SLC1A1: variants seen among roughly 807,000 people sequenced by gnomAD.
SLC1A1 encodes the protein excitatory amino acid transporter 3.
SLC1A1 carries 43 observed loss-of-function variants against 53.3 expected under a neutral mutation model. The ratio of observed to expected loss-of-function variants is 0.81; its 90% CI spans 0.63 to 1.04. The LOEUF (loss-of-function observed/expected upper bound fraction) is 1.04, where lower values mean the gene tolerates loss of function less well. SLC1A1 is among the 50% of genes least tolerant of loss of function. The probability of loss-of-function intolerance (pLI) is 0.00; values close to 1 mark genes in which losing one functional copy is unlikely to be tolerated. For missense variants in SLC1A1, 748 were observed against 664.9 expected (o/e 1.12, Z -1.37); for synonymous variants, 307 against 243.2 (o/e 1.26, Z -2.44).
At chr9:4,538,438 G>A (rs184471364) in intron 1 of SLC1A1, among the ~76,000 whole-genome samples, 16 of 152,338 alleles carry the variant, frequency 1.1e-4, no homozygotes, top group South Asian at 4.1e-4. Context: ...AATAGAATGG[G>A]AGGAAGATTT....
chr9:4,544,125 G>A (rs1457972944), intron 1 of SLC1A1, among the ~76,000 whole-genome samples: 2 of 152,128 alleles, frequency 1.3e-5, no homozygotes, highest in Non-Finnish European at 2.9e-5. Flanking sequence ...GCAGTGAGCC[G>A]AGATGGTACC....
chr9:4,584,141 T>G (rs1821373200), intron 11 of SLC1A1, among the ~76,000 whole-genome samples: 1 of 152,192 alleles, frequency 6.6e-6, no homozygotes, highest in Non-Finnish European at 1.5e-5. Flanking sequence ...TGCTATGTAC[T>G]GTAGTTTGCA....
intron 6 of SLC1A1, among the ~76,000 whole-genome samples, chr9:4,569,052 G>A (rs1438073901): frequency 6.6e-6 from 1 of 152,118 alleles, no homozygotes; most frequent in African/African-American, 2.4e-5. Flanking sequence ...ATAACTACCA[G>A]GAATAGAGAG....
In SLC1A1 at chr9:4,580,599, ATATG is replaced by A. The variant is rs1340428036; in HGVS notation, c.1194-2437_1194-2434del. Among the ~76,000 whole-genome samples, 62 of 51,072 alleles carry A rather than the reference ATATG, an allele frequency of 1.2e-3. 1 individual carries two copies. Among genetic ancestry groups the A allele is most frequent in the East Asian group, 9.5e-3 (8 of 846 alleles). 33.5% of individuals were successfully genotyped at this position (51,072 alleles called of 152,430 possible). A position where few individuals can be genotyped will look rare whatever the true frequency, so the allele number is the denominator to read the frequency against. On this transcript the variant is annotated intron_variant, in intron 10 of 11. Transcript: ENST00000262352. ...TTGTCTCTGGAAAAAAAAAAAATATATATGTGTGTGTGTGTGTGTGTGTGTGTGT... is the reference window on the plus strand; with the variant it reads ...TTGTCTCTGGAAAAAAAAAAAATATATGTGTGTGTGTGTGTGTGTGTGTGT...
intron 10 of SLC1A1, among the ~76,000 whole-genome samples, chr9:4,579,444 T>A (rs2129841083): frequency 6.6e-6 from 1 of 152,326 alleles, no homozygotes; most frequent in East Asian, 1.9e-4. Context: ...TGTGATGAAA[T>A]CCCTCCCTCT....
intron 1 of SLC1A1, among the ~76,000 whole-genome samples, chr9:4,497,740 T>C (rs1820484945): frequency 6.6e-6 from 1 of 152,186 alleles, no homozygotes; most frequent in Admixed American, 6.5e-5. Context: ...GTCCCTCTTA[T>C]TACATTTCAC....
At chr9:4,566,994 C>G (rs1209817871) in intron 5 of SLC1A1, among the ~76,000 whole-genome samples, 4 of 152,168 alleles carry the variant, frequency 2.6e-5, no homozygotes, top group Non-Finnish European at 1.5e-5. Flanking sequence ...TACAGGGGGC[C>G]TTTGCAGATC....
At chr9:4,575,927 A>T in intron 8 of SLC1A1, 74 bp from the exon 9 acceptor site, 1 of 1,533,780 alleles carries the variant, frequency 6.5e-7, no homozygotes, top group South Asian at 1.1e-5. Flanking sequence ...AATTAAAAAG[A>T]TGTTTGATAA....
intron 1 of SLC1A1, among the ~76,000 whole-genome samples, chr9:4,544,013 GA>G (rs1265118434): frequency 6.6e-6 from 1 of 151,864 alleles, no homozygotes; most frequent in Non-Finnish European, 1.5e-5. Context: ...ACCCTCTCAA[GA>G]AAAAAATACA....
At chr9:4,502,365 T>A (rs1261401017) in intron 1 of SLC1A1, among the ~76,000 whole-genome samples, 2 of 107,926 alleles carry the variant, frequency 1.9e-5, no homozygotes, top group Non-Finnish European at 3.4e-5. Flanking sequence ...CCTGCCCGGG[T>A]GATAGAATGA....
chr9:4,491,904 T>C (rs374415034), intron 1 of SLC1A1, among the ~76,000 whole-genome samples: 18 of 152,340 alleles, frequency 1.2e-4, no homozygotes, highest in African/African-American at 4.1e-4. Context: ...TGTTGCTTGC[T>C]TCTCCTCCGA....
intron 1 of SLC1A1, among the ~76,000 whole-genome samples, chr9:4,541,956 ATCT>A (rs1212452344): frequency 6.6e-6 from 1 of 152,108 alleles, no homozygotes; most frequent in Non-Finnish European, 1.5e-5. Flanking sequence ...GACCTGGAAA[ATCT>A]TCTGGTGATT....
At chr9:4,533,796 C>T (rs1261643999) in intron 1 of SLC1A1, among the ~76,000 whole-genome samples, 2 of 152,098 alleles carry the variant, frequency 1.3e-5, no homozygotes, top group African/African-American at 4.8e-5. Flanking sequence ...CAAAATTGAC[C>T]ACTTAGTTGG....
chr9:4,513,420 G>A (rs1451645730), intron 1 of SLC1A1, among the ~76,000 whole-genome samples: 2 of 152,186 alleles, frequency 1.3e-5, no homozygotes, highest in Admixed American at 1.3e-4. Flanking sequence ...TCACCGAAGA[G>A]GGTATACTGA....
In SLC1A1 at chr9:4,574,078, G is replaced by C. The variant is rs1820323953; in HGVS notation, c.875+64G>C. 8 of 1,141,698 alleles carry C rather than the reference G, an allele frequency of 7.0e-6. No individual in the cohort carries two copies. In the South Asian group the frequency reaches 9.8e-5, roughly 14 times the overall value. The allele number at this position is 1,141,698 out of a possible 1,614,324, so 70.7% of individuals were successfully genotyped here. A position where few individuals can be genotyped will look rare whatever the true frequency, so the allele number is the denominator to read the frequency against. On this transcript the variant is annotated intron_variant, in intron 8 of 11. Transcript: ENST00000262352. ...GATCTAATAGGATGGCCGCTGAGAG[G>C]TTGGGTTTCAGTTGGTTAAAACTGG... is the stretch of plus-strand genomic sequence containing the variant.
chr9:4,517,006 C>A (rs926531779), intron 1 of SLC1A1, among the ~76,000 whole-genome samples: 4 of 152,216 alleles, frequency 2.6e-5, no homozygotes, highest in Non-Finnish European at 4.4e-5. Context: ...GATATCGAAG[C>A]TGGCCATGTG....
At position 4,557,558 on chromosome 9, in the gene SLC1A1, G is replaced by A. The variant is rs1279170438; in HGVS notation, c.233-3891G>A. Among the ~76,000 whole-genome samples the A allele has an allele frequency of 2.6e-5, 4 of 151,886 alleles. No homozygotes were observed. The East Asian group carries it at 7.8e-4, about 29-fold the overall frequency. The stretch of plus-strand genomic sequence containing the variant: ...CCTAGCAATTTGGGAGGCCGAGGTG[G>A]GAGGATCGCTGGAGCTCAGGAGTTC... On this transcript the variant is annotated intron_variant, in intron 2 of 11. Transcript: ENST00000262352.
chr9:4,518,443 T>A (rs1815943283), intron 1 of SLC1A1, among the ~76,000 whole-genome samples: 1 of 151,792 alleles, frequency 6.6e-6, no homozygotes. Flanking sequence ...CTCAGCTCAC[T>A]GAAGCCTCAG....
At chr9:4,506,243 C>T (rs1166339704) in intron 1 of SLC1A1, among the ~76,000 whole-genome samples, 2 of 152,204 alleles carry the variant, frequency 1.3e-5, no homozygotes, top group African/African-American at 4.8e-5. Flanking sequence ...AGGCATGAGC[C>T]ATCATGCCCG....
Sources: gnomAD v4.1 joint callset for allele counts (sites outside exome capture counted in the v4.1 genomes callset) on GRCh38, gnomAD v4.1.1 for gene constraint, MANE v1.5 for transcripts, NCBI Gene and HGNC (gene_info 2026-07-23, HGNC 2026-07-21) for gene names.